The following LIPC variants were observed in gnomAD, a reference collection of about 807,000 sequenced individuals.
LIPC encodes the protein hepatic triacylglycerol lipase.
A neutral mutation model predicts 50.7 loss-of-function variants in LIPC; 44 were observed. That is an observed-to-expected ratio of 0.87 (90% CI 0.68 to 1.11). The LOEUF (loss-of-function observed/expected upper bound fraction) is 1.11. Ranked by LOEUF, LIPC falls within the 50% of genes most tolerant of loss-of-function variation. LIPC has a pLI of 0.00. For synonymous variants in LIPC, 271 were observed against 256.4 expected (o/e 1.06, Z -0.54); for missense variants, 697 against 648.2 (o/e 1.08, Z -0.82).
intron 1 of LIPC, among the ~76,000 whole-genome samples, chr15:58,536,375 T>C (rs1005997737): frequency 6.6e-6 from 1 of 152,118 alleles, no homozygotes; most frequent in Non-Finnish European, 1.5e-5. Context: ...TGAAAGTCAC[T>C]AACAGGTATA....
intron 1 of LIPC, among the ~76,000 whole-genome samples, chr15:58,532,168 A>G (rs1892980010): frequency 6.6e-6 from 1 of 152,212 alleles, no homozygotes; most frequent in African/African-American, 2.4e-5. Flanking sequence ...AGTGGGAGAA[A>G]CATTCCTCAC....
chr15:58,461,485 A>G (rs1456117868), intron 1 of LIPC, among the ~76,000 whole-genome samples: 1 of 152,144 alleles, frequency 6.6e-6, no homozygotes, highest in Non-Finnish European at 1.5e-5. Flanking sequence ...GCTCACTGCA[A>G]CAATTGCTTG....
intron 1 of LIPC, among the ~76,000 whole-genome samples, chr15:58,452,842 A>T (rs981735127): frequency 8.9e-4 from 135 of 152,158 alleles, no homozygotes; most frequent in African/African-American, 3.2e-3. Flanking sequence ...CAGCTGGGGG[A>T]CACAGAGGTC....
At chr15:58,488,047 G>T (rs534907341) in intron 1 of LIPC, among the ~76,000 whole-genome samples, 1 of 152,350 alleles carries the variant, frequency 6.6e-6, no homozygotes, top group South Asian at 2.1e-4. Context: ...AAGGCCAGTG[G>T]ATCCCTCGAG....
chr15:58,478,718 T>G lies in LIPC; in HGVS notation c.88+46598T>G, dbSNP rs79070253. On this transcript the variant is annotated intron_variant, in intron 1 of 8. Transcript: ENST00000299022. ...TCATACCACCTTTCCCAAGAGCACC[T>G]TGAGCTACTAGAACTACTGCACGCT... Among the ~76,000 whole-genome samples, 744 of 152,322 alleles carry G rather than the reference T, an allele frequency of 4.9e-3. 6 individuals carry two copies. The highest frequency in any genetic ancestry group is 0.017 in the African/African-American group (712 of 41,564).
At chr15:58,461,018 A>C (rs1894328766) in intron 1 of LIPC, among the ~76,000 whole-genome samples, 1 of 152,170 alleles carries the variant, frequency 6.6e-6, no homozygotes, top group Non-Finnish European at 1.5e-5. Flanking sequence ...AGGAAGGAAG[A>C]AAGCCACCAA....
chr15:58,550,614 G>A (rs1893715203), intron 6 of LIPC, among the ~76,000 whole-genome samples: 2 of 152,056 alleles, frequency 1.3e-5, no homozygotes, highest in African/African-American at 2.4e-5. Context: ...CCCTCAGGGG[G>A]CTCGGTGGAG....
At chr15:58,466,899 CAACT>C (rs1443859986) in intron 1 of LIPC, among the ~76,000 whole-genome samples, 4 of 152,138 alleles carry the variant, frequency 2.6e-5, no homozygotes, top group African/African-American at 9.7e-5. Context: ...AAAATTATCC[CAACT>C]GTTATATATA....
chr15:58,557,377 CTCTTTTTTT>C (rs1314155946), intron 6 of LIPC, among the ~76,000 whole-genome samples: 3 of 45,484 alleles, frequency 6.6e-5, no homozygotes, highest in Non-Finnish European at 1.4e-4. Context: ...CCATTATATG[CTCTTTTTTT>C]TTTTTTTTTT....
At chr15:58,474,532 A>AAAG (rs1890919660) in intron 1 of LIPC, among the ~76,000 whole-genome samples, 1 of 146,508 alleles carries the variant, frequency 6.8e-6, no homozygotes, top group Non-Finnish European at 1.5e-5. Context: ...AAAAAAAAAA[A>AAAG]GAGGCTTTTC....
At chr15:58,542,771 C>T (rs1893379176) in intron 4 of LIPC, 120 bp downstream of exon 4, 1 of 720,204 alleles carries the variant, frequency 1.4e-6, no homozygotes, top group Non-Finnish European at 2.6e-6. Flanking sequence ...GGGATCAGCG[C>T]TCATGAGAGG....
chr15:58,541,823 G>T lies in LIPC; in HGVS notation c.312G>T (p.Val104=), dbSNP rs1434369714. ...TAGAAAACTGGATCTGGCAGATGGTGGCCGCGCTGAAGTCTCAGCCGGCCC... is the reference window on the plus strand; with the variant it reads ...TAGAAAACTGGATCTGGCAGATGGTTGCCGCGCTGAAGTCTCAGCCGGCCC... ...GVLENWIWQM[V]AALKSQPAQP... The change falls in exon 3 of 9, where the codon GTG becomes GTT. Residue 104 remains valine (V), a synonymous_variant. Transcript: ENST00000299022. The T allele has an allele frequency of 1.2e-6, 2 of 1,613,436 alleles. No individual in the cohort carries two copies. The highest frequency in any genetic ancestry group is 1.7e-6 in the Non-Finnish European group (2 of 1,179,932).
intron 1 of LIPC, among the ~76,000 whole-genome samples, chr15:58,532,991 T>C (rs561287762): frequency 6.6e-6 from 1 of 152,370 alleles, no homozygotes; most frequent in South Asian, 2.1e-4. Context: ...GAACTTACTG[T>C]CATACAGAGG....
intron 1 of LIPC, among the ~76,000 whole-genome samples, chr15:58,500,412 T>C (rs1289233533): frequency 2.6e-5 from 4 of 152,160 alleles, no homozygotes; most frequent in Non-Finnish European, 4.4e-5. Flanking sequence ...CGTGCTTCCA[T>C]GTCTCCATGT....
At chr15:58,489,553 C>T (rs1384458403) in intron 1 of LIPC, among the ~76,000 whole-genome samples, 1 of 151,886 alleles carries the variant, frequency 6.6e-6, no homozygotes, top group Non-Finnish European at 1.5e-5. Context: ...GTGGGGGCCC[C>T]AAGACTGGCT....
At chr15:58,502,226 A>G (rs1366651314) in intron 1 of LIPC, among the ~76,000 whole-genome samples, 1 of 151,930 alleles carries the variant, frequency 6.6e-6, no homozygotes, top group African/African-American at 2.4e-5. Flanking sequence ...CCCCTCACCA[A>G]TTCATCAGCC....
In LIPC at chr15:58,563,834, T is replaced by C. The variant is rs3751542; in HGVS notation, c.1388+111T>C. 0.31 allele frequency: 282,392 copies of C among 899,372 alleles called. 47,326 individuals carry two copies. Among genetic ancestry groups the C allele is most frequent in the East Asian group, 0.54 (20,575 of 38,000 alleles). 55.7% of individuals were successfully genotyped at this position (899,372 alleles called of 1,614,324 possible). ...ATGTGAGGTGAGTATTATTAGGCCCTAGTGATGGAGTACAGAAGCTCAGAA... is the reference window on the plus strand; with the variant it reads ...ATGTGAGGTGAGTATTATTAGGCCCCAGTGATGGAGTACAGAAGCTCAGAA... On this transcript the variant is annotated intron_variant, in intron 8 of 8. Coordinates refer to ENST00000299022, the MANE Select transcript of LIPC (RefSeq NM_000236.3).
At chr15:58,478,586 T>G (rs1891080278) in intron 1 of LIPC, among the ~76,000 whole-genome samples, 1 of 152,188 alleles carries the variant, frequency 6.6e-6, no homozygotes, top group South Asian at 2.1e-4. Context: ...ATATAGGTAT[T>G]ACTATGATTT....
At chr15:58,448,359 C>T (rs548888105) in intron 1 of LIPC, among the ~76,000 whole-genome samples, 1 of 152,260 alleles carries the variant, frequency 6.6e-6, no homozygotes, top group Non-Finnish European at 1.5e-5. Flanking sequence ...GCCCCCTCTT[C>T]TTAGCTCAGG....
Sources: gnomAD v4.1 joint callset for allele counts (sites outside exome capture counted in the v4.1 genomes callset) on GRCh38, gnomAD v4.1.1 for gene constraint, MANE v1.5 for transcripts, NCBI Gene and HGNC (gene_info 2026-07-23, HGNC 2026-07-21) for gene names.